The following MACROD2 variants were observed in gnomAD, a reference collection of about 807,000 sequenced individuals.
MACROD2 encodes ADP-ribose glycohydrolase MACROD2.
In MACROD2, 36 loss-of-function variants were observed where a neutral mutation model predicts 70.4. The observed-to-expected ratio is 0.51, with a 90% CI of 0.39 to 0.68. The LOEUF is 0.68. Ranked by LOEUF, MACROD2 falls within the 30% of genes least tolerant of loss-of-function variation. The probability of loss-of-function intolerance (pLI) is 0.00; values close to 1 mark genes in which losing one functional copy is unlikely to be tolerated. For missense variants in MACROD2, 496 were observed against 538.4 expected, an observed-to-expected ratio of 0.92 and a Z score of 0.78; for synonymous variants, 172 against 178.8, an observed-to-expected ratio of 0.96 and a Z score of 0.30.
intron 4 of MACROD2, among the ~76,000 whole-genome samples, chr20:14,604,711 T>C (rs1397629661): frequency 6.6e-6 from 1 of 152,178 alleles, no homozygotes; most frequent in East Asian, 1.9e-4. Flanking sequence ...TTGATAGGTC[T>C]CCCAAAGTTT....
intron 2 of MACROD2, among the ~76,000 whole-genome samples, chr20:14,008,073 G>T (rs1445748861): frequency 6.6e-6 from 1 of 152,094 alleles, no homozygotes; most frequent in Non-Finnish European, 1.5e-5. Context: ...AGACAAAGAT[G>T]GCCTCTCTCA....
chr20:14,266,955 T>G (rs1297569326), intron 3 of MACROD2, among the ~76,000 whole-genome samples: 1 of 152,264 alleles, frequency 6.6e-6, no homozygotes, highest in African/African-American at 2.4e-5. Flanking sequence ...GAAAATAAAC[T>G]CAGTTGGAAG....
intron 5 of MACROD2, among the ~76,000 whole-genome samples, chr20:15,155,970 C>A (rs2076304122): frequency 6.6e-6 from 1 of 152,158 alleles, no homozygotes; most frequent in Non-Finnish European, 1.5e-5. Context: ...CTGAGTCAGA[C>A]ATCCTGGTGT....
In MACROD2 at chr20:15,999,644, A is replaced by G. The variant is rs559708189; in HGVS notation, c.1153+12486A>G. Among the ~76,000 whole-genome samples the G allele has an allele frequency of 7.2e-5, 11 of 152,332 alleles. No individual in the cohort carries two copies. The South Asian group carries it at 1.0e-3, about 14-fold the overall frequency. On this transcript the variant is annotated intron_variant, in intron 15 of 17. Coordinates refer to ENST00000684519, the MANE Select transcript of MACROD2 (RefSeq NM_001351661.2). Reference sequence around the variant, plus strand: ...CTATTAGTATTTGCTTTATATATTTAGATGCTCTGATGTTTGGTGGATAAA... The same window carrying G: ...CTATTAGTATTTGCTTTATATATTTGGATGCTCTGATGTTTGGTGGATAAA...
At chr20:15,453,217 TTC>T (rs71190186) in intron 7 of MACROD2, among the ~76,000 whole-genome samples, 9 of 151,002 alleles carry the variant, frequency 6.0e-5, no homozygotes, top group Non-Finnish European at 1.2e-4. Context: ...GTTTTCCCCT[TTC>T]TCTCTCTCTC....
At chr20:15,088,445 AT>A (rs1568567444) in intron 5 of MACROD2, among the ~76,000 whole-genome samples, 154 of 48,178 alleles carry the variant, frequency 3.2e-3, no homozygotes, top group Admixed American at 6.0e-3. Context: ...ATATATATAT[AT>A]ATATAATATT....
chr20:14,257,016 A>G (rs2082061820), intron 3 of MACROD2, among the ~76,000 whole-genome samples: 1 of 152,218 alleles, frequency 6.6e-6, no homozygotes, highest in Non-Finnish European at 1.5e-5. Context: ...TATGCTTCTT[A>G]GTCCCAGCCT....
chr20:14,837,699 A>T (rs951810465), intron 5 of MACROD2, among the ~76,000 whole-genome samples: 4 of 152,066 alleles, frequency 2.6e-5, no homozygotes, highest in African/African-American at 9.7e-5. Flanking sequence ...TTACCAACTA[A>T]CTAGCAAAAT....
intron 5 of MACROD2, among the ~76,000 whole-genome samples, chr20:15,073,887 G>T (rs1397563316): frequency 6.6e-6 from 1 of 151,978 alleles, no homozygotes; most frequent in Non-Finnish European, 1.5e-5. Context: ...TTACTGCCTT[G>T]TTCAGTTTCA....
At chr20:14,977,840 A>G (rs900531688) in intron 5 of MACROD2, among the ~76,000 whole-genome samples, 1 of 152,178 alleles carries the variant, frequency 6.6e-6, no homozygotes, top group African/African-American at 2.4e-5. Flanking sequence ...TATTCTTCTT[A>G]TGGCTTGGTG....
intron 7 of MACROD2, among the ~76,000 whole-genome samples, chr20:15,476,319 A>G (rs1302343925): frequency 1.3e-5 from 2 of 152,240 alleles, no homozygotes; most frequent in Non-Finnish European, 2.9e-5. Flanking sequence ...CTTTTGTGAC[A>G]TATCACTCTT....
intron 5 of MACROD2, among the ~76,000 whole-genome samples, chr20:15,137,916 C>G (rs565550575): frequency 2.6e-5 from 4 of 152,154 alleles, no homozygotes; most frequent in African/African-American, 9.6e-5. Flanking sequence ...CTTCATTTTG[C>G]TCCTTTCTGT....
intron 5 of MACROD2, among the ~76,000 whole-genome samples, chr20:14,944,782 C>G (rs76248342): frequency 0.014 from 2,146 of 152,192 alleles, 58 homozygotes; most frequent in African/African-American, 0.048. Flanking sequence ...TCCAGGACAC[C>G]TTGCCCATAA....
intron 5 of MACROD2, among the ~76,000 whole-genome samples, chr20:14,909,232 C>T (rs2073996501): frequency 1.3e-5 from 2 of 152,122 alleles, no homozygotes; most frequent in South Asian, 4.2e-4. Flanking sequence ...TGTGTTGGTA[C>T]CAGGTTTGTG....
chr20:15,604,738 G>T (rs1042983246), intron 8 of MACROD2, among the ~76,000 whole-genome samples: 1 of 152,170 alleles, frequency 6.6e-6, no homozygotes, highest in Non-Finnish European at 1.5e-5. Context: ...TTCTTCTGGG[G>T]TTTCTGAAGT....
At chr20:15,214,402 G>A (rs746411289) in intron 5 of MACROD2, among the ~76,000 whole-genome samples, 17 of 151,960 alleles carry the variant, frequency 1.1e-4, no homozygotes, top group Non-Finnish European at 1.8e-4. Flanking sequence ...CAAAGTTGTC[G>A]TCATGAAATT....
chr20:15,098,243 T>C (rs2075848168), intron 5 of MACROD2, among the ~76,000 whole-genome samples: 1 of 152,134 alleles, frequency 6.6e-6, no homozygotes, highest in East Asian at 1.9e-4. Flanking sequence ...ACAAAGGGTC[T>C]CACATTTTCA....
intron 4 of MACROD2, among the ~76,000 whole-genome samples, chr20:14,521,220 A>G (rs2085166349): frequency 6.6e-6 from 1 of 152,168 alleles, no homozygotes; most frequent in Non-Finnish European, 1.5e-5. Flanking sequence ...CAGCTTGCAT[A>G]AGCCACCCAG....
intron 3 of MACROD2, among the ~76,000 whole-genome samples, chr20:14,412,817 T>C (rs992031543): frequency 6.6e-6 from 1 of 152,216 alleles, no homozygotes. Context: ...GGATGTGGTA[T>C]CCTGATATAG....
Sources: gnomAD v4.1 joint callset for allele counts (sites outside exome capture counted in the v4.1 genomes callset) on GRCh38, gnomAD v4.1.1 for gene constraint, MANE v1.5 for transcripts, NCBI Gene and HGNC (gene_info 2026-07-23, HGNC 2026-07-21) for gene names.